Variants in ALK observed in about 807,000 individuals in gnomAD.
ALK encodes ALK tyrosine kinase receptor.
A neutral mutation model predicts 163.1 loss-of-function variants in ALK; 74 were observed. The observed-to-expected ratio is 0.45, with a 90% CI of 0.38 to 0.55. The LOEUF (loss-of-function observed/expected upper bound fraction) is 0.55. ALK is among the 20% of genes least tolerant of loss of function. ALK has a pLI of 0.00. For synonymous variants in ALK, 960 were observed against 843.2 expected, an observed-to-expected ratio of 1.14 and a Z score of -2.40; for missense variants, 2,063 against 2,105.3, an observed-to-expected ratio of 0.98 and a Z score of 0.39.
chr2:29,876,011 T>C (rs1258257196), intron 1 of ALK, among the ~76,000 whole-genome samples: 5 of 152,194 alleles, frequency 3.3e-5, no homozygotes, highest in Admixed American at 3.3e-4. Flanking sequence ...CTTGTCTGTT[T>C]TTCTCTGCTT....
rs2148178842 is a variant in ALK, at chr2:29,227,109, A to G, written c.2915-35T>C. ...AGGAGGGAGGGTCAGTCTTGGGCCGAGCCTGCCTCCCCACTCCCAGCCTCA... is the reference window on the plus strand; with the variant it reads ...AGGAGGGAGGGTCAGTCTTGGGCCGGGCCTGCCTCCCCACTCCCAGCCTCA... On this transcript the variant is annotated intron_variant, in intron 17 of 28. Transcript: ENST00000389048. This position sits in a 1 kb window ranked among gnomAD's most constrained non-coding sequence, Gnocchi z 4.4. 6.2e-7 allele frequency: 1 copy of G among 1,613,852 alleles called. No homozygotes were observed. The highest frequency in any genetic ancestry group is 1.3e-5 in the African/African-American group (1 of 74,980).
chr2:29,410,505 G>GTGTCAT (rs1669701264), intron 4 of ALK, among the ~76,000 whole-genome samples: 1 of 152,126 alleles, frequency 6.6e-6, no homozygotes, highest in Non-Finnish European at 1.5e-5. Flanking sequence ...ATGTCATCAG[G>GTGTCAT]ACTTCCTGAG....
chr2:29,810,422 CAAAAA>C (rs1252589204), intron 1 of ALK, among the ~76,000 whole-genome samples: 2 of 53,264 alleles, frequency 3.8e-5, no homozygotes, highest in Admixed American at 2.0e-4. Context: ...AACTCCATCT[CAAAAA>C]AAAAAAAAAA....
At chr2:29,225,622 G>T (rs1035059178) in intron 18 of ALK, 57 bp from the exon 19 acceptor site, 4 of 1,464,850 alleles carry the variant, frequency 2.7e-6, no homozygotes, top group Non-Finnish European at 3.8e-6. Flanking sequence ...CTTTGAGTTG[G>T]TCCCAAGTCA....
chr2:29,364,774 T>C lies in ALK; in HGVS notation c.1282+18958A>G, dbSNP rs1312090536. ...TTAGTCTTATTAATTAATTCATCCA[T>C]TCATCATCCAACACTGAGCCCATCT... On this transcript the variant is annotated intron_variant, in intron 5 of 28. Transcript: ENST00000389048. 4.6e-5 allele frequency among the ~76,000 whole-genome samples: 7 copies of C among 152,184 alleles called. No homozygotes were observed. In the East Asian group the frequency reaches 1.3e-3, roughly 29 times the overall value.
chr2:29,848,129 G>A (rs1177325224), intron 1 of ALK, among the ~76,000 whole-genome samples: 3 of 152,172 alleles, frequency 2.0e-5, no homozygotes, highest in Non-Finnish European at 4.4e-5. Context: ...GGGGCAGCGG[G>A]TGTGAATAGG....
intron 9 of ALK, among the ~76,000 whole-genome samples, chr2:29,284,438 A>C (rs1017555463): frequency 6.6e-6 from 1 of 152,150 alleles, no homozygotes; most frequent in African/African-American, 2.4e-5. Flanking sequence ...ACAGGGCTAC[A>C]TTTTCCGAGA....
At chr2:29,366,179 CAA>C (rs1374283305) in intron 5 of ALK, among the ~76,000 whole-genome samples, 1 of 152,080 alleles carries the variant, frequency 6.6e-6, no homozygotes, top group Admixed American at 6.6e-5. Context: ...GATTTGTAGT[CAA>C]AAGTCACAGA....
chr2:29,337,997 G>A (rs1161793444), intron 5 of ALK, among the ~76,000 whole-genome samples: 2 of 152,160 alleles, frequency 1.3e-5, no homozygotes, highest in African/African-American at 2.4e-5. Context: ...AGGATGAAAC[G>A]AAATCATGTG....
chr2:29,644,314 G>A (rs184084349), intron 3 of ALK, among the ~76,000 whole-genome samples: 179 of 151,404 alleles, frequency 1.2e-3, no homozygotes, highest in African/African-American at 4.1e-3. Context: ...TGAGTTAATG[G>A]GTACAGCACA....
chr2:29,554,038 C>G (rs2148177290), intron 3 of ALK, among the ~76,000 whole-genome samples: 1 of 152,222 alleles, frequency 6.6e-6, no homozygotes, highest in South Asian at 2.1e-4. Context: ...ACAATTTGGA[C>G]AATTTTATGC....
intron 1 of ALK, among the ~76,000 whole-genome samples, chr2:29,824,099 G>A (rs573774341): frequency 4.1e-4 from 62 of 152,276 alleles, no homozygotes; most frequent in African/African-American, 1.4e-3. Context: ...GTATAGCTTG[G>A]GCCATGACTT....
chr2:29,795,384 G>A (rs1171864892), intron 1 of ALK, among the ~76,000 whole-genome samples: 1 of 152,064 alleles, frequency 6.6e-6, no homozygotes, highest in Non-Finnish European at 1.5e-5. Flanking sequence ...AATTGTTCTG[G>A]AAGAGCATTT....
chr2:29,458,689 G>A (rs1671015949), intron 4 of ALK, among the ~76,000 whole-genome samples: 1 of 152,152 alleles, frequency 6.6e-6, no homozygotes, highest in African/African-American at 2.4e-5. Context: ...TTCACAGACA[G>A]TGACTGAACA....
chr2:29,456,464 A>C (rs1670955279), intron 4 of ALK, among the ~76,000 whole-genome samples: 1 of 152,198 alleles, frequency 6.6e-6, no homozygotes, highest in African/African-American at 2.4e-5. Flanking sequence ...CAGTCACAAA[A>C]AGACAAATAT....
chr2:29,829,804 C>T (rs1175117916), intron 1 of ALK, among the ~76,000 whole-genome samples: 1 of 152,222 alleles, frequency 6.6e-6, no homozygotes, highest in Admixed American at 6.5e-5. Context: ...ATGTATGTAT[C>T]TATTTCTCAG....
At position 29,265,365 on chromosome 2, in the gene ALK, G is replaced by A. The variant is rs112032101; in HGVS notation, c.2041+9734C>T. The stretch of plus-strand genomic sequence containing the variant: ...CACGTGAGTCCTACTCCTTAGCAGC[G>A]TGGCCACTCCCCTAATCCCATGTCT... On this transcript the variant is annotated intron_variant, in intron 11 of 28. Coordinates refer to ENST00000389048, the MANE Select transcript of ALK (RefSeq NM_004304.5). Among the ~76,000 whole-genome samples, 606 of 152,218 alleles carry A rather than the reference G, an allele frequency of 4.0e-3. 6 individuals are homozygous for A. Among genetic ancestry groups the A allele is most frequent in the African/African-American group, 0.013 (521 of 41,538 alleles).
At chr2:29,291,730 G>C (rs140400935) in intron 9 of ALK, among the ~76,000 whole-genome samples, 1 of 152,168 alleles carries the variant, frequency 6.6e-6, no homozygotes, top group Non-Finnish European at 1.5e-5. Flanking sequence ...GAATTAAGCA[G>C]AATTTTTTTA....
chr2:29,339,478 C>A (rs1334221836), intron 5 of ALK, among the ~76,000 whole-genome samples: 2 of 152,138 alleles, frequency 1.3e-5, no homozygotes, highest in African/African-American at 4.8e-5. Context: ...AAGGCCCAAC[C>A]AGGCAGGACC....
Sources: gnomAD v4.1 joint callset for allele counts (sites outside exome capture counted in the v4.1 genomes callset) on GRCh38, gnomAD v4.1.1 for gene constraint, Gnocchi (gnomAD v3.1) non-coding constraint, MANE v1.5 for transcripts, NCBI Gene and HGNC (gene_info 2026-07-23, HGNC 2026-07-21) for gene names.